Variants in SEMA6A observed in about 807,000 individuals in gnomAD.
The protein encoded by SEMA6A is semaphorin-6A.
In SEMA6A, 25 loss-of-function variants were observed where a neutral mutation model predicts 96.8. That is an observed-to-expected ratio of 0.26 (90% CI 0.19 to 0.36). The LOEUF (loss-of-function observed/expected upper bound fraction) is 0.36. Ranked by LOEUF, SEMA6A falls within the 10% of genes least tolerant of loss-of-function variation. The probability of loss-of-function intolerance (pLI) is 1.00; values close to 1 mark genes in which losing one functional copy is unlikely to be tolerated. For missense variants in SEMA6A, 1,363 were observed against 1,323.1 expected (o/e 1.03, Z -0.47); for synonymous variants, 612 against 518.0 (o/e 1.18, Z -2.46).
intron 1 of SEMA6A, among the ~76,000 whole-genome samples, chr5:116,567,053 C>A (rs1379970316): frequency 6.6e-6 from 1 of 152,172 alleles, no homozygotes; most frequent in South Asian, 2.1e-4. Context: ...GCAGAGTGTA[C>A]ATTTTATTAT....
At chr5:116,495,737 G>A (rs1010509838) in intron 5 of SEMA6A, 2 of 470,984 alleles carry the variant, frequency 4.2e-6, no homozygotes, top group East Asian at 3.8e-5. Context: ...GGAAGATTGT[G>A]TGTTTATTTT....
intron 17 of SEMA6A, chr5:116,472,508 G>A (rs999240967): frequency 1.2e-4 from 20 of 171,354 alleles, no homozygotes; most frequent in African/African-American, 4.5e-4. Flanking sequence ...CAGCATTTTG[G>A]GGGATGGTGA....
At chr5:116,486,610 T>A in intron 10 of SEMA6A, 139 bp downstream of exon 10, 1 of 662,506 alleles carries the variant, frequency 1.5e-6, no homozygotes, top group Non-Finnish European at 2.6e-6. Context: ...TGATGAAAAC[T>A]AAGTGTTAAG....
intron 4 of SEMA6A, among the ~76,000 whole-genome samples, chr5:116,496,863 G>A (rs551345113): frequency 3.9e-5 from 6 of 152,304 alleles, no homozygotes; most frequent in Admixed American, 3.3e-4. Flanking sequence ...ATATCCCCAT[G>A]TGGAGTTATG....
chr5:116,561,478 A>G (rs912935042), intron 1 of SEMA6A, among the ~76,000 whole-genome samples: 1 of 152,228 alleles, frequency 6.6e-6, no homozygotes, highest in Non-Finnish European at 1.5e-5. Flanking sequence ...ACAATAAAAG[A>G]TGCAAATACA....
At chr5:116,521,165 A>G (rs1317973080) in intron 1 of SEMA6A, among the ~76,000 whole-genome samples, 3 of 152,246 alleles carry the variant, frequency 2.0e-5, no homozygotes, top group Non-Finnish European at 2.9e-5. Flanking sequence ...TCCAGCATCT[A>G]TACAGCTCTA....
chr5:116,532,510 G>A (rs1759528116), intron 1 of SEMA6A, among the ~76,000 whole-genome samples: 1 of 152,110 alleles, frequency 6.6e-6, no homozygotes, highest in Non-Finnish European at 1.5e-5. Flanking sequence ...GGGAGAGAGG[G>A]TAGCCTGTAA....
At position 116,557,882 on chromosome 5, in the gene SEMA6A, C is replaced by T. The variant is rs530693381; in HGVS notation, c.-39+16303G>A. 5.3e-5 allele frequency among the ~76,000 whole-genome samples: 8 copies of T among 152,224 alleles called. No individual in the cohort carries two copies. The South Asian group carries it at 1.7e-3, about 32-fold the overall frequency. On this transcript the variant is annotated intron_variant, in intron 1 of 18. Coordinates refer to ENST00000343348, the MANE Select transcript of SEMA6A (RefSeq NM_020796.5). ...TTCAGTAACACTAGAGGGCAGCCTC[C>T]AAGTAAAGTTAGAAACAAGCGATAG...
At chr5:116,455,586 C>T (rs1251134033) in intron 18 of SEMA6A, among the ~76,000 whole-genome samples, 1 of 152,120 alleles carries the variant, frequency 6.6e-6, no homozygotes, top group East Asian at 1.9e-4. Flanking sequence ...AAGTGGACCT[C>T]CTTAAAAAAT....
intron 1 of SEMA6A, among the ~76,000 whole-genome samples, chr5:116,524,356 C>T (rs986602339): frequency 6.6e-6 from 1 of 152,212 alleles, no homozygotes; most frequent in Admixed American, 6.5e-5. Context: ...TATTTATCAT[C>T]AGTAGCTGGT....
intron 16 of SEMA6A, among the ~76,000 whole-genome samples, chr5:116,474,760 G>T (rs568389715): frequency 6.6e-6 from 1 of 152,160 alleles, no homozygotes; most frequent in Non-Finnish European, 1.5e-5. Context: ...GTGCCATTTT[G>T]AATGCAAGCT....
intron 1 of SEMA6A, among the ~76,000 whole-genome samples, chr5:116,511,086 G>T (rs951648064): frequency 6.6e-6 from 1 of 152,212 alleles, no homozygotes; most frequent in African/African-American, 2.4e-5. Flanking sequence ...TTCAGTATCT[G>T]TGAGGGATTG....
At chr5:116,467,244 G>A (rs1755814124) in intron 18 of SEMA6A, among the ~76,000 whole-genome samples, 1 of 152,070 alleles carries the variant, frequency 6.6e-6, no homozygotes, top group Admixed American at 6.6e-5. Context: ...TCACATTATG[G>A]TGGGAAAAGA....
chr5:116,526,482 C>T (rs937871149), intron 1 of SEMA6A, among the ~76,000 whole-genome samples: 4 of 152,260 alleles, frequency 2.6e-5, no homozygotes, highest in East Asian at 1.9e-4. Flanking sequence ...GGTAAACAAA[C>T]GGATCAATGA....
chr5:116,503,312 G>A (rs1319626982), intron 2 of SEMA6A, among the ~76,000 whole-genome samples: 1 of 152,062 alleles, frequency 6.6e-6, no homozygotes, highest in African/African-American at 2.4e-5. Context: ...ACTCACAGTG[G>A]GTATCTTATC....
intron 6 of SEMA6A, among the ~76,000 whole-genome samples, chr5:116,494,514 C>T (rs62376160): frequency 0.023 from 3,489 of 152,194 alleles, 57 homozygotes; most frequent in South Asian, 0.047. Flanking sequence ...TTTGAAGACA[C>T]GGGGTCATCC....
intron 1 of SEMA6A, among the ~76,000 whole-genome samples, chr5:116,563,103 T>TA (rs1760885801): frequency 6.6e-6 from 1 of 152,166 alleles, no homozygotes; most frequent in Admixed American, 6.5e-5. Flanking sequence ...CAATATTCCC[T>TA]AGTTGCTATG....
chr5:116,460,464 G>A (rs1755313039), intron 18 of SEMA6A, among the ~76,000 whole-genome samples: 1 of 152,144 alleles, frequency 6.6e-6, no homozygotes, highest in Non-Finnish European at 1.5e-5. Flanking sequence ...TATTCACTGA[G>A]TAAGTTATCA....
At chr5:116,465,501 C>A (rs1755673618) in intron 18 of SEMA6A, among the ~76,000 whole-genome samples, 1 of 152,142 alleles carries the variant, frequency 6.6e-6, no homozygotes, top group African/African-American at 2.4e-5. Context: ...TTTGACAGGG[C>A]AAGGCAAGGA....
Sources: gnomAD v4.1 joint callset for allele counts (sites outside exome capture counted in the v4.1 genomes callset) on GRCh38, gnomAD v4.1.1 for gene constraint, MANE v1.5 for transcripts, NCBI Gene and HGNC (gene_info 2026-07-23, HGNC 2026-07-21) for gene names.